The following SLC9B1 variants were observed in gnomAD, a reference collection of about 807,000 sequenced individuals.
SLC9B1 encodes the protein solute carrier family 9 member B1, also known as sodium/hydrogen exchanger 9B1.
In SLC9B1, 32 loss-of-function variants were observed where a neutral mutation model predicts 51.7. That is an observed-to-expected ratio of 0.62 (90% CI 0.47 to 0.83). The LOEUF is 0.83. Ranked by LOEUF, SLC9B1 falls within the 40% of genes least tolerant of loss-of-function variation. The probability of loss-of-function intolerance (pLI) is 0.00; values close to 1 mark genes in which losing one functional copy is unlikely to be tolerated. For synonymous variants in SLC9B1, 145 were observed against 212.7 expected (o/e 0.68, Z 2.77); for missense variants, 406 against 613.2 (o/e 0.66, Z 3.57).
chr4:102,898,195 C>T, downstream of SLC9B1: 1 of 519,478 alleles, frequency 1.9e-6, no homozygotes, highest in Non-Finnish European at 3.9e-6. Context: ...GCTAAAGAGG[C>T]TGCCCAGAAA....
Position 102,989,828 on chromosome 4 carries a change from T to A in SLC9B1, c.183A>T (p.Arg61Ser). Reference sequence around the variant, plus strand: ...TTGTAATAATTACATTCAATACTCCTCTTAGAGGACAAGAAATGTATGTCT... The same window carrying A: ...TTGTAATAATTACATTCAATACTCCACTTAGAGGACAAGAAATGTATGTCT... Reference protein sequence around the residue: ...KKETYISCPLRGVLNVIITNG... With the variant: ...KKETYISCPLSGVLNVIITNG... The change falls in exon 3 of 12, where the codon AGA becomes AGT. Residue 61 changes from arginine to serine, a missense_variant. This residue lies in a region of SLC9B1 where 108 missense variants were observed against 94.5 expected (regional missense o/e 1.14). Transcript: ENST00000296422. 6.3e-7 allele frequency: 1 copy of A among 1,597,284 alleles called. No homozygotes were observed. Among genetic ancestry groups the A allele is most frequent in the Non-Finnish European group, 8.6e-7 (1 of 1,168,684 alleles).
At chr4:102,902,370 T>C (rs922218763) in intron 11 of SLC9B1, among the ~76,000 whole-genome samples, 1 of 152,228 alleles carries the variant, frequency 6.6e-6, no homozygotes, top group Non-Finnish European at 1.5e-5. Flanking sequence ...ATCAATAATT[T>C]AAAATGGTAT....
At chr4:103,011,849 A>G (rs1419021965) in intron 1 of SLC9B1, among the ~76,000 whole-genome samples, 4 of 152,008 alleles carry the variant, frequency 2.6e-5, no homozygotes, top group East Asian at 1.9e-4. Context: ...CCTCCCTTGA[A>G]ACTGTTCTGC....
At chr4:103,019,397 C>T (rs1302315990) in intron 1 of SLC9B1, among the ~76,000 whole-genome samples, 2 of 152,036 alleles carry the variant, frequency 1.3e-5, no homozygotes, top group African/African-American at 4.8e-5. Context: ...TGTGGGATGA[C>T]GGAGTAAGGA....
At chr4:103,006,173 A>G (rs912969441) in intron 1 of SLC9B1, among the ~76,000 whole-genome samples, 1 of 152,060 alleles carries the variant, frequency 6.6e-6, no homozygotes, top group African/African-American at 2.4e-5. Context: ...GTTTTTTGAA[A>G]GAATAAATAA....
intron 3 of SLC9B1, among the ~76,000 whole-genome samples, chr4:102,966,261 C>T (rs1738424560): frequency 6.6e-6 from 1 of 152,232 alleles, no homozygotes; most frequent in Non-Finnish European, 1.5e-5. Flanking sequence ...TGCAGTGGCT[C>T]TGGCCCTGCA....
intron 1 of SLC9B1, among the ~76,000 whole-genome samples, chr4:102,996,051 T>C (rs1740197977): frequency 6.6e-6 from 1 of 152,198 alleles, no homozygotes; most frequent in Non-Finnish European, 1.5e-5. Context: ...AAGTACTCTT[T>C]AATATTACTC....
At chr4:102,955,271 C>T (rs188978630) in intron 3 of SLC9B1, among the ~76,000 whole-genome samples, 44 of 152,224 alleles carry the variant, frequency 2.9e-4, no homozygotes, top group African/African-American at 1.0e-3. Context: ...TTTCTCTTGC[C>T]GCCACCATGT....
intron 3 of SLC9B1, among the ~76,000 whole-genome samples, chr4:102,955,105 A>T (rs1393444739): frequency 6.6e-6 from 1 of 152,074 alleles, no homozygotes; most frequent in Admixed American, 6.5e-5. Flanking sequence ...TCCCCATCCA[A>T]ATCTCATCTT....
intron 3 of SLC9B1, among the ~76,000 whole-genome samples, chr4:102,955,475 A>G (rs1186781137): frequency 1.3e-5 from 2 of 152,170 alleles, no homozygotes; most frequent in African/African-American, 4.8e-5. Flanking sequence ...TACCAGTTTG[A>G]AGCTGGATGT....
intron 7 of SLC9B1, among the ~76,000 whole-genome samples, chr4:102,926,698 AT>A (rs1736197123): frequency 6.6e-6 from 1 of 152,222 alleles, no homozygotes; most frequent in Admixed American, 6.5e-5. Context: ...ATTCAATACT[AT>A]CCCCATCAAG....
chr4:102,904,234 A>AT (rs1403386471), intron 11 of SLC9B1, among the ~76,000 whole-genome samples: 1 of 151,576 alleles, frequency 6.6e-6, no homozygotes, highest in Non-Finnish European at 1.5e-5. Context: ...ATTTTTTTGT[A>AT]TTTTTTGTAG....
intron 11 of SLC9B1, chr4:102,889,323 T>A (rs1325713185): frequency 2.0e-5 from 3 of 152,278 alleles, no homozygotes; most frequent in Admixed American, 6.5e-5. Context: ...AACCAATTAT[T>A]TTTCCACAGT....
chr4:102,889,233 A>G (rs1055153247), intron 11 of SLC9B1: 1 of 152,258 alleles, frequency 6.6e-6, no homozygotes, highest in African/African-American at 2.4e-5. Context: ...TAAATACAGC[A>G]TTGCTCTCAC....
At position 102,932,263 on chromosome 4, in the gene SLC9B1, GACA is replaced by G. The variant is rs779917621; in HGVS notation, c.687_689del (p.Val230del). 5 of 1,611,768 alleles carry G rather than the reference GACA, an allele frequency of 3.1e-6. No homozygotes were observed. Among genetic ancestry groups the G allele is most frequent in the Non-Finnish European group, 3.4e-6 (4 of 1,179,768 alleles). The stretch of plus-strand genomic sequence containing the variant: ...TTTCTTGCAGCACCATCATGTAAGG[GACA>G]ACAACAGCAGGAGAGACAGCACCTA... On this transcript the variant is annotated inframe_deletion, in exon 7 of 12. Transcript: ENST00000296422.
intron 11 of SLC9B1, among the ~76,000 whole-genome samples, chr4:102,901,637 G>GAGT (rs1283615341): frequency 6.6e-6 from 1 of 152,146 alleles, no homozygotes; most frequent in Non-Finnish European, 1.5e-5. Context: ...ATAACACCAG[G>GAGT]AGTTCTAACG....
intron 1 of SLC9B1, among the ~76,000 whole-genome samples, chr4:103,008,999 C>T (rs545068232): frequency 1.3e-5 from 2 of 152,046 alleles, no homozygotes; most frequent in South Asian, 2.1e-4. Flanking sequence ...CGGGTTTCAC[C>T]GTGTTAGCCA....
At chr4:102,994,872 T>C (rs1740134812) in intron 1 of SLC9B1, among the ~76,000 whole-genome samples, 1 of 152,198 alleles carries the variant, frequency 6.6e-6, no homozygotes, top group Non-Finnish European at 1.5e-5. Context: ...ACCACCCCCA[T>C]GATCCAGTTA....
chr4:102,991,522 T>C, intron 2 of SLC9B1, 121 bp downstream of exon 2: 1 of 606,760 alleles, frequency 1.6e-6, no homozygotes, highest in Non-Finnish European at 2.6e-6. Flanking sequence ...TTTTAAAATT[T>C]ACCACTTTTC....
Sources: gnomAD v4.1 joint callset for allele counts (sites outside exome capture counted in the v4.1 genomes callset) on GRCh38, gnomAD v4.1.1 for gene constraint, gnomAD v4.1.1 regional missense constraint, MANE v1.5 for transcripts, NCBI Gene and HGNC (gene_info 2026-07-23, HGNC 2026-07-21) for gene names.